IQCH: variants seen among roughly 807,000 people sequenced by gnomAD.
IQCH encodes the protein IQ motif containing H, also known as IQ domain-containing protein H.
A neutral mutation model predicts 117.0 loss-of-function variants in IQCH; 98 were observed. That is an observed-to-expected ratio of 0.84 (90% confidence interval 0.71 to 0.99). The LOEUF is 0.99. Ranked by LOEUF, IQCH falls within the 50% of genes least tolerant of loss-of-function variation. IQCH has a pLI of 0.00. For missense variants in IQCH, 1,102 were observed against 1,243.8 expected, an observed-to-expected ratio of 0.89 and a Z score of 1.72; for synonymous variants, 412 against 448.2, an observed-to-expected ratio of 0.92 and a Z score of 1.02.
At chr15:67,312,326 C>T (rs1177640992) in intron 4 of IQCH, among the ~76,000 whole-genome samples, 1 of 151,988 alleles carries the variant, frequency 6.6e-6, no homozygotes, top group African/African-American at 2.4e-5. Context: ...TTATTTAATC[C>T]ATTTATAAAA....
rs1218605766 is a variant in IQCH at position 67,427,301 on chromosome 15, A to G, written c.2505+5724A>G. Reference sequence around the variant, plus strand: ...CCATGCCTCATGTGCTTGGATCCCAATCCTGTCATTTGTGTTTTATTTGTA... The same window carrying G: ...CCATGCCTCATGTGCTTGGATCCCAGTCCTGTCATTTGTGTTTTATTTGTA... On this transcript the variant is annotated intron_variant, in intron 16 of 20. Transcript: ENST00000335894. The surrounding 1 kb of genome is among the most constrained non-coding windows in gnomAD (Gnocchi z 4.7). 6.6e-6 allele frequency among the ~76,000 whole-genome samples: 1 copy of G among 151,936 alleles called. No individual in the cohort carries two copies. The highest frequency in any genetic ancestry group is 2.4e-5 in the African/African-American group (1 of 41,332).
intron 4 of IQCH, among the ~76,000 whole-genome samples, chr15:67,313,542 C>G (rs1967702381): frequency 6.6e-6 from 1 of 152,064 alleles, no homozygotes; most frequent in East Asian, 1.9e-4. Context: ...ATGGGCAAGA[C>G]TAAAGGAGAG....
intron 4 of IQCH, among the ~76,000 whole-genome samples, chr15:67,300,033 A>C (rs1373120261): frequency 6.6e-6 from 1 of 152,144 alleles, no homozygotes; most frequent in Non-Finnish European, 1.5e-5. Context: ...AGTGATTTTT[A>C]TATTTCTATC....
chr15:67,450,428 A>G lies in IQCH; in HGVS notation c.2506-14699A>G, dbSNP rs531433537. 8.9e-3 allele frequency among the ~76,000 whole-genome samples: 1,350 copies of G among 152,306 alleles called. 29 individuals carry two copies. Among genetic ancestry groups the G allele is most frequent in the African/African-American group, 0.031 (1,291 of 41,560 alleles). ...ACCTAATTTATTGAGAATTTTTAGC[A>G]TGAAAGGTTGTTGAATTTTGTCAAA... On this transcript the variant is annotated intron_variant, in intron 16 of 20. Coordinates refer to ENST00000335894, the MANE Select transcript of IQCH (RefSeq NM_001031715.3).
Position 67,474,064 on chromosome 15 carries a change from CT to C in IQCH, c.2677-1631del, listed in dbSNP as rs2083139856. ...CATGTCACCAAAAGTGCCACGAAATCTGAGTGTGTGTGTGTGTGTGTGTGTG... is the reference window on the plus strand; with the variant it reads ...CATGTCACCAAAAGTGCCACGAAATCGAGTGTGTGTGTGTGTGTGTGTGTG... On this transcript the variant is annotated intron_variant, in intron 17 of 20. Coordinates refer to ENST00000335894, the MANE Select transcript of IQCH (RefSeq NM_001031715.3). This position sits in a 1 kb window ranked among gnomAD's most constrained non-coding sequence, Gnocchi z 4.1. Among the ~76,000 whole-genome samples the C allele has an allele frequency of 1.0e-5, 1 of 96,070 alleles. No individual in the cohort carries two copies. Among genetic ancestry groups the C allele is most frequent in the Non-Finnish European group, 2.1e-5 (1 of 47,152 alleles). The allele number at this position is 96,070 out of a possible 152,430, so 63.0% of individuals were successfully genotyped here. A position where few individuals can be genotyped will look rare whatever the true frequency, so the allele number is the denominator to read the frequency against.
intron 4 of IQCH, among the ~76,000 whole-genome samples, chr15:67,284,817 A>G (rs56194676): frequency 0.013 from 1,953 of 152,228 alleles, 46 homozygotes; most frequent in African/African-American, 0.045. Flanking sequence ...ATAGTATTCC[A>G]TGGTGTATAT....
At chr15:67,296,253 G>A (rs1486753482) in intron 4 of IQCH, among the ~76,000 whole-genome samples, 1 of 152,170 alleles carries the variant, frequency 6.6e-6, no homozygotes, top group African/African-American at 2.4e-5. Context: ...GGGCCTGACT[G>A]AAGTTCAAGT....
At chr15:67,336,920 AACTGTTC>A in intron 4 of IQCH, 48 bp from the exon 5 acceptor site, 1 of 1,573,280 alleles carries the variant, frequency 6.4e-7, no homozygotes, top group Non-Finnish European at 8.7e-7. Flanking sequence ...ACAAGAAGAA[AACTGTTC>A]ACTGTGAAGG....
chr15:67,348,778 T>G (rs1265439241), intron 6 of IQCH, among the ~76,000 whole-genome samples: 1 of 152,156 alleles, frequency 6.6e-6, no homozygotes, highest in Non-Finnish European at 1.5e-5. Flanking sequence ...CTAAAGTTTG[T>G]GGAAAGGGCA....
In IQCH at chr15:67,494,352, G is replaced by A. The variant is rs199527627; in HGVS notation, c.2956G>A (p.Glu986Lys). 77 of 1,610,498 alleles carry A rather than the reference G, an allele frequency of 4.8e-5. No individual in the cohort carries two copies. The highest frequency in any genetic ancestry group is 6.1e-5 in the Non-Finnish European group (72 of 1,178,496). ...QEISAPNMQG[E>K]TNFKTTIADI... The stretch of plus-strand genomic sequence containing the variant: ...AATATCAGCACCTAATATGCAAGGC[G>A]AGACCAATTTTAAGGTGAGGTGTTA... Residue 986 changes from glutamate (E) to lysine (K), a missense_variant, in exon 20 of 21, where the codon GAG becomes AAG. Coordinates refer to ENST00000335894, the MANE Select transcript of IQCH (RefSeq NM_001031715.3). The surrounding 1 kb of genome is among the most constrained non-coding windows in gnomAD (Gnocchi z 5.5).
chr15:67,380,434 A>G (rs1970888077), intron 10 of IQCH, among the ~76,000 whole-genome samples: 1 of 152,252 alleles, frequency 6.6e-6, no homozygotes, highest in Admixed American at 6.5e-5. Flanking sequence ...GATATACTAT[A>G]TAAATAACCC....
intron 1 of IQCH, among the ~76,000 whole-genome samples, chr15:67,258,249 G>A (rs1056097185): frequency 2.0e-5 from 3 of 150,028 alleles, no homozygotes; most frequent in African/African-American, 7.4e-5. Context: ...AAAAAAAAAG[G>A]CCAAGCGCGG....
chr15:67,471,824 GT>G (rs1297329620), intron 17 of IQCH, among the ~76,000 whole-genome samples: 1 of 152,182 alleles, frequency 6.6e-6, no homozygotes, highest in Non-Finnish European at 1.5e-5. Context: ...GTGATTGATA[GT>G]TTCTTCCTGT....
intron 16 of IQCH, among the ~76,000 whole-genome samples, chr15:67,446,342 A>T (rs1052700054): frequency 1.3e-5 from 2 of 152,262 alleles, no homozygotes; most frequent in Admixed American, 1.3e-4. Flanking sequence ...GCCATGACTC[A>T]ATAGCATTCT....
chr15:67,462,353 G>A (rs1263514953), intron 16 of IQCH, among the ~76,000 whole-genome samples: 7 of 151,528 alleles, frequency 4.6e-5, no homozygotes, highest in South Asian at 2.1e-4. Context: ...GCTTGAACCC[G>A]GGAGGCAGAG....
chr15:67,394,012 C>G (rs1971374485), intron 12 of IQCH, among the ~76,000 whole-genome samples: 1 of 152,062 alleles, frequency 6.6e-6, no homozygotes, highest in African/African-American at 2.4e-5. Context: ...AGTTACTTGC[C>G]TACATTAATG....
rs374518171 is a variant in IQCH, at chr15:67,425,380, G to A, written c.2505+3803G>A. ...TGTAATCCCAGCACTTTGGGTGGCC[G>A]AGGTGGGTGGATCACGAGGTCAGGA... On this transcript the variant is annotated intron_variant, in intron 16 of 20. Coordinates refer to ENST00000335894, the MANE Select transcript of IQCH (RefSeq NM_001031715.3). The surrounding 1 kb of genome is among the most constrained non-coding windows in gnomAD (Gnocchi z 5.5). 2.0e-4 allele frequency among the ~76,000 whole-genome samples: 30 copies of A among 152,282 alleles called. No individual in the cohort carries two copies. The highest frequency in any genetic ancestry group is 6.7e-4 in the African/African-American group (28 of 41,556).
chr15:67,298,885 AAAAAT>A (rs1177096837), intron 4 of IQCH, among the ~76,000 whole-genome samples: 1 of 152,118 alleles, frequency 6.6e-6, no homozygotes, highest in Non-Finnish European at 1.5e-5. Flanking sequence ...AACAACAACT[AAAAAT>A]AAAGCTACCA....
At chr15:67,273,111 C>G (rs905645269) in intron 3 of IQCH, among the ~76,000 whole-genome samples, 4 of 152,068 alleles carry the variant, frequency 2.6e-5, no homozygotes, top group Admixed American at 2.0e-4. Flanking sequence ...CTCTCTGTCG[C>G]CCAGGCTGGA....
Sources: allele counts gnomAD v4.1 joint callset (sites outside exome capture counted in the v4.1 genomes callset), GRCh38; gene constraint gnomAD v4.1.1; non-coding constraint Gnocchi (gnomAD v3.1); transcripts MANE v1.5; gene names NCBI Gene and HGNC (gene_info 2026-07-23, HGNC 2026-07-21).